NXPH1: variants seen among roughly 807,000 people sequenced by gnomAD.
NXPH1 encodes neurexophilin-1.
A neutral mutation model predicts 23.7 loss-of-function variants in NXPH1; 5 were observed. That is an observed-to-expected ratio of 0.21 (90% CI 0.11 to 0.44). The LOEUF is 0.44. Among genes scored for constraint, NXPH1 ranks in the 20% least tolerant of loss-of-function variants. The pLI is 0.99. For synonymous variants in NXPH1, 144 were observed against 122.2 expected (o/e 1.18, Z -1.18); for missense variants, 324 against 321.6 (o/e 1.01, Z -0.06).
chr7:8,693,611 A>G (rs556873488), intron 2 of NXPH1, among the ~76,000 whole-genome samples: 11 of 152,324 alleles, frequency 7.2e-5, no homozygotes, highest in Non-Finnish European at 1.2e-4. Context: ...ATTAAGTGTT[A>G]TTATTTTTGA....
intron 2 of NXPH1, among the ~76,000 whole-genome samples, chr7:8,733,510 G>A (rs1320429933): frequency 3.3e-5 from 5 of 152,124 alleles, no homozygotes; most frequent in Non-Finnish European, 5.9e-5. Context: ...CTGTAAAAGC[G>A]TTTCTATTTC....
At chr7:8,561,351 GACACACACACAC>G (rs61219039) in intron 2 of NXPH1, among the ~76,000 whole-genome samples, 4 of 140,856 alleles carry the variant, frequency 2.8e-5, no homozygotes, top group Non-Finnish European at 4.6e-5. Context: ...AAGCCTATGT[GACACACACACAC>G]ACACACACAC....
At chr7:8,727,642 A>G (rs933130937) in intron 2 of NXPH1, among the ~76,000 whole-genome samples, 1 of 152,240 alleles carries the variant, frequency 6.6e-6, no homozygotes, top group Non-Finnish European at 1.5e-5. Context: ...AAGATCAGAT[A>G]GTTGTAGATA....
intron 2 of NXPH1, among the ~76,000 whole-genome samples, chr7:8,590,736 C>T (rs1477420269): frequency 6.6e-6 from 1 of 152,024 alleles, no homozygotes; most frequent in Non-Finnish European, 1.5e-5. Flanking sequence ...GACCTTTTTA[C>T]AGTAATTGAC....
intron 2 of NXPH1, among the ~76,000 whole-genome samples, chr7:8,464,733 G>A (rs981466260): frequency 7.3e-5 from 11 of 150,582 alleles, no homozygotes; most frequent in African/African-American, 1.2e-4. Context: ...GAGGCACAGA[G>A]CAAATGTGTA....
In NXPH1 at chr7:8,751,852, C is replaced by A. The variant is rs1780570125; in HGVS notation, c.*83C>A. On this transcript the variant is annotated 3_prime_UTR_variant, in exon 3 of 3. Coordinates refer to ENST00000405863, the MANE Select transcript of NXPH1 (RefSeq NM_152745.3). This position sits in a 1 kb window ranked among gnomAD's most constrained non-coding sequence, Gnocchi z 4.5. ...GTTACCTCAAAGAAGAAGGTCACAT[C>A]TGTTGCCTGGAATGTGTCTACACTG... 7.6e-7 allele frequency: 1 copy of A among 1,315,480 alleles called. No individual in the cohort carries two copies. Among genetic ancestry groups the A allele is most frequent in the Non-Finnish European group, 1.0e-6 (1 of 977,384 alleles). The allele number at this position is 1,315,480 out of a possible 1,614,324, so 81.5% of individuals were successfully genotyped here. A position where few individuals can be genotyped will look rare whatever the true frequency, so the allele number is the denominator to read the frequency against.
intron 2 of NXPH1, among the ~76,000 whole-genome samples, chr7:8,744,338 A>G (rs548123318): frequency 2.6e-5 from 4 of 152,312 alleles, no homozygotes; most frequent in African/African-American, 4.8e-5. Context: ...CTCAGGAAGT[A>G]TATTTGGTGT....
At chr7:8,690,954 T>C (rs1197987686) in intron 2 of NXPH1, among the ~76,000 whole-genome samples, 1 of 152,142 alleles carries the variant, frequency 6.6e-6, no homozygotes, top group Non-Finnish European at 1.5e-5. Flanking sequence ...TTGAATGAAG[T>C]CTCCTCAAGG....
intron 2 of NXPH1, among the ~76,000 whole-genome samples, chr7:8,588,793 A>G (rs1819032221): frequency 6.6e-6 from 1 of 152,164 alleles, no homozygotes; most frequent in African/African-American, 2.4e-5. Flanking sequence ...TATATACATA[A>G]AACTACACTT....
chr7:8,451,847 A>T (rs559985787), intron 2 of NXPH1, among the ~76,000 whole-genome samples: 15 of 152,360 alleles, frequency 9.8e-5, no homozygotes, highest in African/African-American at 3.4e-4. Context: ...TGCATAGGCA[A>T]GAAGAGTATT....
chr7:8,668,737 T>C (rs922412254), intron 2 of NXPH1, among the ~76,000 whole-genome samples: 2 of 151,884 alleles, frequency 1.3e-5, no homozygotes, highest in Non-Finnish European at 2.9e-5. Context: ...AGGGTCTGGC[T>C]TGGTGCTGCA....
intron 2 of NXPH1, among the ~76,000 whole-genome samples, chr7:8,683,511 T>C (rs979719171): frequency 6.6e-6 from 1 of 152,228 alleles, no homozygotes; most frequent in Non-Finnish European, 1.5e-5. Context: ...ACTGCAGTAC[T>C]ACAGTGGTTG....
At chr7:8,656,702 C>T (rs1453654554) in intron 2 of NXPH1, among the ~76,000 whole-genome samples, 1 of 151,384 alleles carries the variant, frequency 6.6e-6, no homozygotes, top group East Asian at 1.9e-4. Flanking sequence ...GCTCCCCCCA[C>T]CCCACAACAG....
intron 2 of NXPH1, among the ~76,000 whole-genome samples, chr7:8,635,620 C>T (rs879101401): frequency 6.6e-6 from 1 of 152,248 alleles, no homozygotes; most frequent in Admixed American, 6.5e-5. Flanking sequence ...CCTGCCAGAA[C>T]GTTGGAGAGT....
intron 2 of NXPH1, among the ~76,000 whole-genome samples, chr7:8,594,330 T>A (rs1040773602): frequency 2.6e-5 from 4 of 152,074 alleles, no homozygotes; most frequent in African/African-American, 9.7e-5. Context: ...GTTTCACATA[T>A]TTCAGACATG....
At chr7:8,521,097 T>C (rs1817763679) in intron 2 of NXPH1, among the ~76,000 whole-genome samples, 1 of 152,096 alleles carries the variant, frequency 6.6e-6, no homozygotes, top group South Asian at 2.1e-4. Context: ...AAATACTTCC[T>C]AGGGTGATTC....
chr7:8,608,274 G>A (rs1819544424), intron 2 of NXPH1, among the ~76,000 whole-genome samples: 1 of 151,964 alleles, frequency 6.6e-6, no homozygotes, highest in South Asian at 2.1e-4. Flanking sequence ...GGGATAAATG[G>A]AAGTCTTGAA....
intron 2 of NXPH1, among the ~76,000 whole-genome samples, chr7:8,656,162 G>A (rs1820579080): frequency 6.6e-6 from 1 of 152,160 alleles, no homozygotes; most frequent in South Asian, 2.1e-4. Flanking sequence ...AGGAAGATAT[G>A]TATAAGAAGG....
chr7:8,500,761 G>C (rs1053748760), intron 2 of NXPH1, among the ~76,000 whole-genome samples: 1 of 152,022 alleles, frequency 6.6e-6, no homozygotes, highest in Non-Finnish European at 1.5e-5. Context: ...GCAAAATACA[G>C]ATTCAACGTC....
Sources: gnomAD v4.1 joint callset for allele counts (sites outside exome capture counted in the v4.1 genomes callset) on GRCh38, gnomAD v4.1.1 for gene constraint, Gnocchi (gnomAD v3.1) non-coding constraint, MANE v1.5 for transcripts, NCBI Gene and HGNC (gene_info 2026-07-23, HGNC 2026-07-21) for gene names.